MTF2: variants seen among roughly 807,000 people sequenced by gnomAD.
MTF2 encodes the protein metal response element binding transcription factor 2.
Under a neutral mutation model 79.5 loss-of-function variants are expected in MTF2, and 11 were observed. The observed-to-expected ratio is 0.14, with a 90% CI of 0.09 to 0.23. The LOEUF (loss-of-function observed/expected upper bound fraction) is 0.23, where lower values mean the gene tolerates loss of function less well. Among genes scored for constraint, MTF2 ranks in the 10% least tolerant of loss-of-function variants. MTF2 has a pLI of 1.00. For synonymous variants in MTF2, 208 were observed against 232.8 expected, an observed-to-expected ratio of 0.89 and a Z score of 0.97; for missense variants, 486 against 711.2, an observed-to-expected ratio of 0.68 and a Z score of 3.60.
At chr1:93,129,877 A>G (rs940624812) in intron 11 of MTF2, among the ~76,000 whole-genome samples, 2 of 152,226 alleles carry the variant, frequency 1.3e-5, no homozygotes, top group African/African-American at 4.8e-5. Context: ...TACAAAGGTG[A>G]TAAGTAAAAT....
In MTF2 at chr1:93,137,495, C is replaced by G. The variant is rs1183443584; in HGVS notation, c.*468C>G. 6.5e-6 allele frequency: 1 copy of G among 153,484 alleles called. No individual in the cohort carries two copies. Among genetic ancestry groups the G allele is most frequent in the African/African-American group, 2.4e-5 (1 of 41,416 alleles). The allele number at this position is 153,484 out of a possible 1,614,324, so 9.5% of individuals were successfully genotyped here. ...TAAAGTGCAGTGTATATAATGCCTA[C>G]TGAAAGACTGTAAAATATTGAAATT... On this transcript the variant is annotated 3_prime_UTR_variant, in exon 15 of 15. Coordinates refer to ENST00000370298, the MANE Select transcript of MTF2 (RefSeq NM_007358.4).
At position 93,115,506 on chromosome 1, in the gene MTF2, G is replaced by A. The variant is rs1378874743; in HGVS notation, c.520G>A (p.Ala174Thr). 1 of 1,608,814 alleles carries A rather than the reference G, an allele frequency of 6.2e-7. No homozygotes were observed. Among genetic ancestry groups the A allele is most frequent in the South Asian group, 1.1e-5 (1 of 90,158 alleles). Residue 174 changes from alanine to threonine, a missense_variant, in exon 6 of 15, where the codon GCA becomes ACA. By Grantham distance (58) the Ala-to-Thr change is moderately conservative. Around this residue, in one of 4 missense-constraint regions of MTF2, gnomAD observed 177 missense variants for 364.0 expected, o/e 0.49. Coordinates refer to ENST00000370298, the MANE Select transcript of MTF2 (RefSeq NM_007358.4). ...GALKKGPNAKALQVMKQTLPY... is the reference protein window; with the variant it reads ...GALKKGPNAKTLQVMKQTLPY... ...ACTTAAGAAAGGACCAAATGCCAAA[G>A]CATTGCAAGTCATGAAGCAGACATT...
intron 11 of MTF2, among the ~76,000 whole-genome samples, chr1:93,130,141 T>C (rs908615562): frequency 6.6e-6 from 1 of 152,114 alleles, no homozygotes; most frequent in African/African-American, 2.4e-5. Context: ...ACTGGTGTGG[T>C]ATAAATGAGG....
chr1:93,090,668 T>G (rs1297060507), intron 1 of MTF2, among the ~76,000 whole-genome samples: 1 of 151,286 alleles, frequency 6.6e-6, no homozygotes, highest in Non-Finnish European at 1.5e-5. Context: ...TTCCTAGTTT[T>G]TTTTTTTTTT....
At position 93,133,769 on chromosome 1, in the gene MTF2, T is replaced by C. The variant is rs766308402; in HGVS notation, c.1227T>C (p.Tyr409=). Residue 409 remains tyrosine, a synonymous_variant, in exon 12 of 15, where the codon TAT becomes TAC. Transcript: ENST00000370298. ...CTGTAGGTCGTCCACCTGGCCCATA[T>C]ACAAGAAAAATGATTCAAAAAACTG... ...KKSVGRPPGP[Y]TRKMIQKTAE... is the part of the protein sequence containing the mutation. 3 of 1,612,468 alleles carry C rather than the reference T, an allele frequency of 1.9e-6. No homozygotes were observed. Among genetic ancestry groups the C allele is most frequent in the South Asian group, 2.2e-5 (2 of 90,854 alleles).
chr1:93,101,850 T>G (rs920627948), intron 1 of MTF2, among the ~76,000 whole-genome samples: 3 of 152,108 alleles, frequency 2.0e-5, no homozygotes, highest in Non-Finnish European at 4.4e-5. Context: ...AGAGCTGAAG[T>G]TACAGGTGTG....
At chr1:93,080,732 A>C (rs907647905) in intron 1 of MTF2, among the ~76,000 whole-genome samples, 1 of 147,886 alleles carries the variant, frequency 6.8e-6, no homozygotes, top group Non-Finnish European at 1.5e-5. Context: ...GCTGGTTTCA[A>C]TTTCCATGGT....
In MTF2 at chr1:93,133,684, T is replaced by A; in HGVS notation, c.1161-19T>A. 1 of 1,565,680 alleles carries A rather than the reference T, an allele frequency of 6.4e-7. No homozygotes were observed. The highest frequency in any genetic ancestry group is 8.8e-7 in the Non-Finnish European group (1 of 1,140,838). ...TTTCTTTATGCAGAGATTAAATGCA[T>A]AATGGTTTTCCATTTCAGGGAAGTA... On this transcript the variant is annotated intron_variant, in intron 11 of 14. Coordinates refer to ENST00000370298, the MANE Select transcript of MTF2 (RefSeq NM_007358.4).
rs182190351 is a variant in MTF2, at chr1:93,134,439, A to G, written c.1424+244A>G. 5 of 444,160 alleles carry G rather than the reference A, an allele frequency of 1.1e-5. No homozygotes were observed. In the East Asian group the frequency reaches 2.0e-4, roughly 18 times the overall value. 27.5% of individuals were successfully genotyped at this position (444,160 alleles called of 1,614,324 possible). ...GAAATTTGCTGTGTACACAGAGAAA[A>G]AGTATACCATTGTTTAGAAGCTGTG... On this transcript the variant is annotated intron_variant, in intron 14 of 14. Transcript: ENST00000370298.
chr1:93,134,042 G>T (rs746633139), intron 13 of MTF2, 49 bp from the exon 14 acceptor site: 1 of 1,544,114 alleles, frequency 6.5e-7, no homozygotes, highest in Non-Finnish European at 8.9e-7. Context: ...ATTAATATTT[G>T]TTTGTTATAT....
chr1:93,107,979 T>C (rs539735721), intron 1 of MTF2, among the ~76,000 whole-genome samples: 58 of 152,082 alleles, frequency 3.8e-4, no homozygotes, highest in South Asian at 1.7e-3. Flanking sequence ...AGAGACATTC[T>C]CCCTTTGTTG....
chr1:93,110,110 A>T, intron 1 of MTF2, 120 bp from the exon 2 acceptor site: 1 of 915,400 alleles, frequency 1.1e-6, no homozygotes, highest in South Asian at 1.7e-5. Flanking sequence ...GGTACTTTTT[A>T]TATTTTTGTC....
At chr1:93,124,616 T>A (rs902749478) in intron 9 of MTF2, among the ~76,000 whole-genome samples, 5 of 152,058 alleles carry the variant, frequency 3.3e-5, no homozygotes, top group African/African-American at 1.2e-4. Flanking sequence ...AGAGGTGGAA[T>A]AATATTTATA....
chr1:93,111,473 A>G (rs1464524168), intron 3 of MTF2, among the ~76,000 whole-genome samples: 2 of 152,130 alleles, frequency 1.3e-5, no homozygotes, highest in African/African-American at 2.4e-5. Flanking sequence ...ACCAAGTTCA[A>G]TTTTATGGTA....
At chr1:93,106,605 C>T (rs142505276) in intron 1 of MTF2, among the ~76,000 whole-genome samples, 81 of 152,120 alleles carry the variant, frequency 5.3e-4, no homozygotes, top group African/African-American at 1.7e-3. Context: ...CTGCAACCTC[C>T]ACCTCCTGGG....
chr1:93,080,213 A>C (rs771535760), intron 1 of MTF2, among the ~76,000 whole-genome samples: 15 of 152,312 alleles, frequency 9.8e-5, no homozygotes, highest in Non-Finnish European at 2.1e-4. Context: ...AACCTAACTC[A>C]TATAATCTAC....
intron 1 of MTF2, among the ~76,000 whole-genome samples, chr1:93,091,281 G>C (rs1655066200): frequency 6.6e-6 from 1 of 152,048 alleles, no homozygotes; most frequent in African/African-American, 2.4e-5. Context: ...TTTACTCTCT[G>C]GGTTATCCTT....
chr1:93,132,737 C>G (rs1447077895), intron 11 of MTF2, among the ~76,000 whole-genome samples: 1 of 151,918 alleles, frequency 6.6e-6, no homozygotes, highest in East Asian at 1.9e-4. Flanking sequence ...TTCCTACTTT[C>G]TCCATTCATC....
At chr1:93,105,947 T>TA (rs1417395754) in intron 1 of MTF2, among the ~76,000 whole-genome samples, 1 of 152,208 alleles carries the variant, frequency 6.6e-6, no homozygotes, top group Non-Finnish European at 1.5e-5. Context: ...GTGCTGGAAT[T>TA]ACAGGCGTGA....
Sources: allele counts gnomAD v4.1 joint callset (sites outside exome capture counted in the v4.1 genomes callset), GRCh38; gene constraint gnomAD v4.1.1; regional missense constraint gnomAD v4.1.1; transcripts MANE v1.5; gene names NCBI Gene and HGNC (gene_info 2026-07-23, HGNC 2026-07-21).